Variants in GLRA3 observed in about 807,000 individuals in gnomAD.
GLRA3 encodes glycine receptor alpha 3, also known as glycine receptor subunit alpha-3.
A neutral mutation model predicts 60.4 loss-of-function variants in GLRA3; 44 were observed. The ratio of observed to expected loss-of-function variants is 0.73; its 90% CI spans 0.57 to 0.94. The LOEUF (loss-of-function observed/expected upper bound fraction) is 0.94, where lower values mean the gene tolerates loss of function less well. Ranked by LOEUF, GLRA3 falls within the 40% of genes least tolerant of loss-of-function variation. The probability of loss-of-function intolerance (pLI) is 0.00; values close to 1 mark genes in which losing one functional copy is unlikely to be tolerated. For synonymous variants in GLRA3, 223 were observed against 192.9 expected (o/e 1.16, Z -1.29); for missense variants, 508 against 564.6 (o/e 0.90, Z 1.02).
chr4:174,727,235 GA>G (rs1206400906), intron 4 of GLRA3, among the ~76,000 whole-genome samples: 2 of 152,060 alleles, frequency 1.3e-5, no homozygotes, highest in Admixed American at 6.6e-5. Flanking sequence ...CCACTTTGCA[GA>G]AAAAAACATT....
At chr4:174,774,036 G>T (rs1432404999) in intron 2 of GLRA3, among the ~76,000 whole-genome samples, 4 of 152,128 alleles carry the variant, frequency 2.6e-5, no homozygotes, top group African/African-American at 9.7e-5. Context: ...TCTCCATGGG[G>T]CCATCCTGGC....
chr4:174,821,707 C>A (rs1322021247), intron 1 of GLRA3, among the ~76,000 whole-genome samples: 2 of 152,042 alleles, frequency 1.3e-5, no homozygotes, highest in African/African-American at 2.4e-5. Flanking sequence ...AATACAAATG[C>A]ATTACACAAT....
intron 1 of GLRA3, among the ~76,000 whole-genome samples, chr4:174,794,819 CA>C (rs1401549337): frequency 6.6e-6 from 1 of 151,876 alleles, no homozygotes; most frequent in Non-Finnish European, 1.5e-5. Context: ...CTTTCATTGC[CA>C]AAAATATTTG....
intron 3 of GLRA3, among the ~76,000 whole-genome samples, chr4:174,733,696 C>A (rs987169876): frequency 6.6e-6 from 1 of 152,192 alleles, no homozygotes; most frequent in Non-Finnish European, 1.5e-5. Context: ...GCAGAAGAAA[C>A]CTCAATAAAG....
intron 3 of GLRA3, among the ~76,000 whole-genome samples, chr4:174,754,181 T>C (rs1459607852): frequency 6.6e-6 from 1 of 152,182 alleles, no homozygotes; most frequent in African/African-American, 2.4e-5. Flanking sequence ...GGTGGATGAA[T>C]TCATTAAGCA....
chr4:174,665,426 A>G (rs543918447), intron 7 of GLRA3, among the ~76,000 whole-genome samples: 2 of 152,010 alleles, frequency 1.3e-5, no homozygotes, highest in African/African-American at 4.8e-5. Flanking sequence ...TTACAACAAT[A>G]ATTATATTTA....
At chr4:174,654,056 T>C (rs943493478) in intron 9 of GLRA3, among the ~76,000 whole-genome samples, 3 of 152,136 alleles carry the variant, frequency 2.0e-5, no homozygotes, top group African/African-American at 7.2e-5. Context: ...GAAATAAGTT[T>C]TCTTCGGGTA....
intron 1 of GLRA3, among the ~76,000 whole-genome samples, chr4:174,795,496 G>A (rs113927846): frequency 2.0e-5 from 3 of 152,000 alleles, no homozygotes; most frequent in Non-Finnish European, 2.9e-5. Context: ...AATATACATT[G>A]GTCTGGGATG....
At position 174,677,183 on chromosome 4, in the gene GLRA3, T is replaced by C. The variant is rs6812439; in HGVS notation, c.822A>G (p.Ser274=). The C allele has an allele frequency of 1, 1,606,438 of 1,612,906 alleles. 800,181 individuals are homozygous for C. Among genetic ancestry groups the C allele is most frequent in the East Asian group, 1 (44,846 of 44,846 alleles). Reference sequence around the variant, plus strand: ...GTGCTGCATCCATGTTGATCCAGAATGAAACCCAGGATAGAATAACAATCA... The same window carrying C: ...GTGCTGCATCCATGTTGATCCAGAACGAAACCCAGGATAGAATAACAATCA... ...SLLIVILSWV[S]FWINMDAAPA... The change falls in exon 7 of 10, where the codon TCA becomes TCG. Residue 274 remains serine, a synonymous_variant. Coordinates refer to ENST00000274093, the MANE Select transcript of GLRA3 (RefSeq NM_006529.4).
intron 2 of GLRA3, among the ~76,000 whole-genome samples, chr4:174,774,109 G>A (rs180681975): frequency 1.3e-5 from 2 of 150,156 alleles, no homozygotes; most frequent in East Asian, 4.0e-4. Context: ...AGGCTTCAGA[G>A]TCCCACCAGG....
chr4:174,642,140 CT>C lies in GLRA3; in HGVS notation c.*1645del. On this transcript the variant is annotated 3_prime_UTR_variant, in exon 10 of 10. Coordinates refer to ENST00000274093, the MANE Select transcript of GLRA3 (RefSeq NM_006529.4). ...CTTGGTCTTTTACTAGCAAAAACTG[CT>C]TAACATTTACTATTTTTTAAAATGT... is the stretch of plus-strand genomic sequence containing the variant. 1.1e-6 allele frequency: 1 copy of C among 877,036 alleles called. No individual in the cohort carries two copies. Among genetic ancestry groups the C allele is most frequent in the Non-Finnish European group, 1.4e-6 (1 of 731,196 alleles). 54.3% of individuals were successfully genotyped at this position (877,036 alleles called of 1,614,324 possible).
chr4:174,782,539 C>T (rs1250035064), intron 2 of GLRA3, among the ~76,000 whole-genome samples: 1 of 151,614 alleles, frequency 6.6e-6, no homozygotes, highest in Non-Finnish European at 1.5e-5. Flanking sequence ...TCCCTGTTTG[C>T]AGGCGACATG....
At chr4:174,749,993 C>T (rs1333663927) in intron 3 of GLRA3, among the ~76,000 whole-genome samples, 1 of 152,106 alleles carries the variant, frequency 6.6e-6, no homozygotes, top group African/African-American at 2.4e-5. Flanking sequence ...AGCTCCTCCT[C>T]CCATGTATGA....
Position 174,683,049 on chromosome 4 carries a change from T to C in GLRA3, c.575-110A>G. 4 of 784,148 alleles carry C rather than the reference T, an allele frequency of 5.1e-6. No individual in the cohort carries two copies. In the South Asian group the frequency reaches 6.7e-5, roughly 13 times the overall value. The allele number at this position is 784,148 out of a possible 1,614,324, so 48.6% of individuals were successfully genotyped here. A position where few individuals can be genotyped will look rare whatever the true frequency, so the allele number is the denominator to read the frequency against. ...ATGAGAAGACCAAACAGTGTCATCT[T>C]ATAGTAACTCTGTGGATGGAGCTAT... On this transcript the variant is annotated intron_variant, in intron 5 of 9. Coordinates refer to ENST00000274093, the MANE Select transcript of GLRA3 (RefSeq NM_006529.4).
chr4:174,643,549 C>A lies in GLRA3; in HGVS notation c.*237G>T. On this transcript the variant is annotated 3_prime_UTR_variant, in exon 10 of 10. Coordinates refer to ENST00000274093, the MANE Select transcript of GLRA3 (RefSeq NM_006529.4). ...ACTTACATGGTTTACTGTGAAAAAA[C>A]AAATCACCTGGAATTAATATGAAAT... 2 of 1,172,756 alleles carry A rather than the reference C, an allele frequency of 1.7e-6. No individual in the cohort carries two copies. Among genetic ancestry groups the A allele is most frequent in the South Asian group, 6.4e-5 (2 of 31,300 alleles). 72.6% of individuals were successfully genotyped at this position (1,172,756 alleles called of 1,614,324 possible). A position where few individuals can be genotyped will look rare whatever the true frequency, so the allele number is the denominator to read the frequency against.
intron 1 of GLRA3, among the ~76,000 whole-genome samples, chr4:174,800,437 C>T (rs1278660458): frequency 6.6e-6 from 1 of 152,094 alleles, no homozygotes; most frequent in African/African-American, 2.4e-5. Context: ...GACATTCTGT[C>T]TCCTTTTCAG....
intron 3 of GLRA3, among the ~76,000 whole-genome samples, chr4:174,746,301 A>G (rs1737243817): frequency 6.6e-6 from 1 of 152,198 alleles, no homozygotes; most frequent in Admixed American, 6.5e-5. Context: ...ACCATGGGAT[A>G]CTGTTCAGCC....
chr4:174,684,040 T>A (rs775270545), intron 5 of GLRA3, among the ~76,000 whole-genome samples: 1 of 152,172 alleles, frequency 6.6e-6, no homozygotes, highest in South Asian at 2.1e-4. Flanking sequence ...ATTTTTATCA[T>A]GGAAAAATTT....
intron 3 of GLRA3, among the ~76,000 whole-genome samples, chr4:174,756,294 A>T (rs898231427): frequency 6.6e-6 from 1 of 152,216 alleles, no homozygotes; most frequent in Non-Finnish European, 1.5e-5. Context: ...GCCACTCTTG[A>T]CATTGTAAGA....
Sources: allele counts gnomAD v4.1 joint callset (sites outside exome capture counted in the v4.1 genomes callset), GRCh38; gene constraint gnomAD v4.1.1; transcripts MANE v1.5; gene names NCBI Gene and HGNC (gene_info 2026-07-23, HGNC 2026-07-21).